The following PCDHA1 variants were observed in gnomAD, a reference collection of about 807,000 sequenced individuals.
The protein encoded by PCDHA1 is protocadherin alpha-1.
A neutral mutation model predicts 61.3 loss-of-function variants in PCDHA1; 42 were observed. The observed-to-expected ratio is 0.69, with a 90% confidence interval of 0.54 to 0.89. PCDHA1 has a LOEUF of 0.89. Among genes scored for constraint, PCDHA1 ranks in the 40% least tolerant of loss-of-function variants. The probability of loss-of-function intolerance (pLI) is 0.00; values close to 1 mark genes in which losing one functional copy is unlikely to be tolerated. For synonymous variants in PCDHA1, 610 were observed against 553.8 expected, an observed-to-expected ratio of 1.10 and a Z score of -1.43; for missense variants, 1,256 against 1,235.3, an observed-to-expected ratio of 1.02 and a Z score of -0.25.
intron 1 of PCDHA1, chr5:140,877,734 G>A (rs2057311538): frequency 1.9e-6 from 3 of 1,614,070 alleles, no homozygotes; most frequent in African/African-American, 2.7e-5. Flanking sequence ...CGCAGCAGAG[G>A]AGGCAGAGGG....
intron 1 of PCDHA1, among the ~76,000 whole-genome samples, chr5:140,937,309 T>G (rs1210222120): frequency 6.6e-6 from 1 of 152,102 alleles, no homozygotes; most frequent in African/African-American, 2.4e-5. Flanking sequence ...AGTGCTGGGA[T>G]TACAGGCGTG....
Position 140,841,941 on chromosome 5 carries a change from C to A in PCDHA1, c.2394+53257C>A, listed in dbSNP as rs2150325943. The A allele has an allele frequency of 6.2e-6, 10 of 1,613,918 alleles. No individual in the cohort carries two copies. In the South Asian group the frequency reaches 7.7e-5, roughly 12 times the overall value. ...TCCTTGGACAGAGAGGACGCTCCTG[C>A]GCACCACTTATTCCTGACAGCCACA... On this transcript the variant is annotated intron_variant, in intron 1 of 3. Coordinates refer to ENST00000504120, the MANE Select transcript of PCDHA1 (RefSeq NM_018900.4).
chr5:140,924,437 T>A (rs2081836231), intron 1 of PCDHA1, among the ~76,000 whole-genome samples: 1 of 152,206 alleles, frequency 6.6e-6, no homozygotes, highest in Admixed American at 6.5e-5. Flanking sequence ...CTAGAAGAGA[T>A]AACGAATGGG....
intron 1 of PCDHA1, among the ~76,000 whole-genome samples, chr5:140,972,883 C>T (rs1020544230): frequency 1.1e-4 from 16 of 151,884 alleles, no homozygotes; most frequent in African/African-American, 1.7e-4. Context: ...AGGATGGTCT[C>T]GATCTCTTGA....
intron 1 of PCDHA1, chr5:140,812,387 T>G (rs2126638189): frequency 2.6e-5 from 4 of 152,134 alleles, no homozygotes; most frequent in Non-Finnish European, 4.4e-5. Context: ...TTTTTCTTAG[T>G]CTAGCTAAGG....
Position 140,895,372 on chromosome 5 carries a change from T to C in PCDHA1, c.2395-83577T>C, listed in dbSNP as rs112463980. Among the ~76,000 whole-genome samples, 883 of 152,294 alleles carry C rather than the reference T, an allele frequency of 5.8e-3. 7 individuals carry two copies. The highest frequency in any genetic ancestry group is 0.021 in the African/African-American group (855 of 41,558). On this transcript the variant is annotated intron_variant, in intron 1 of 3. Coordinates refer to ENST00000504120, the MANE Select transcript of PCDHA1 (RefSeq NM_018900.4). The stretch of plus-strand genomic sequence containing the variant: ...CCAGTGAGTACTTATTGGCACTTTT[T>C]GGAGTTCTTCAATTCTCAACACCAT...
At chr5:140,882,565 C>T (rs782122682) in intron 1 of PCDHA1, 5 of 1,614,118 alleles carry the variant, frequency 3.1e-6, no homozygotes, top group Non-Finnish European at 4.2e-6. Context: ...GTGGGCGGAG[C>T]GCGGAGTGCA....
intron 1 of PCDHA1, chr5:140,875,666 G>A (rs781866030): frequency 1.2e-6 from 2 of 1,613,786 alleles, no homozygotes; most frequent in East Asian, 4.5e-5. Flanking sequence ...CGCCTGTTCC[G>A]GGTGGCGTCC....
At chr5:140,831,563 A>G (rs2150196275) in intron 1 of PCDHA1, among the ~76,000 whole-genome samples, 6 of 126,944 alleles carry the variant, frequency 4.7e-5, no homozygotes, top group Admixed American at 4.6e-4. Context: ...GGGTTTCTCC[A>G]TGTTGCCCAG....
chr5:140,946,080 A>T lies in PCDHA1; in HGVS notation c.2395-32869A>T, dbSNP rs74501731. ...GGGAGAAAATATTTGCAAACCACAG[A>T]TCTGATAAGGAGTTAACATACCAAA... On this transcript the variant is annotated intron_variant, in intron 1 of 3. Coordinates refer to ENST00000504120, the MANE Select transcript of PCDHA1 (RefSeq NM_018900.4). Among the ~76,000 whole-genome samples, 867 of 152,226 alleles carry T rather than the reference A, an allele frequency of 5.7e-3. 6 individuals carry two copies. Among genetic ancestry groups the T allele is most frequent in the African/African-American group, 0.02 (843 of 41,572 alleles).
In PCDHA1 at chr5:140,829,871, G is replaced by A. The variant is rs1770641625; in HGVS notation, c.2394+41187G>A. 6.2e-7 allele frequency: 1 copy of A among 1,613,844 alleles called. No homozygotes were observed. Among genetic ancestry groups the A allele is most frequent in the Non-Finnish European group, 8.5e-7 (1 of 1,179,892 alleles). ...GGGTGCAGGCCAAGTGGTGGCGAAG[G>A]TGCGCGCAGTTGACGCCGACTCAGG... On this transcript the variant is annotated intron_variant, in intron 1 of 3. Transcript: ENST00000504120.
At chr5:140,828,665 A>C (rs2150157760) in intron 1 of PCDHA1, 1 of 1,614,220 alleles carries the variant, frequency 6.2e-7, no homozygotes, top group Admixed American at 1.7e-5. Context: ...CAATAAACAA[A>C]TTGGGCTCTT....
chr5:140,814,543 A>G (rs1410934884), intron 1 of PCDHA1: 1 of 152,098 alleles, frequency 6.6e-6, no homozygotes, highest in Non-Finnish European at 1.5e-5. Flanking sequence ...AAGCAGTAAC[A>G]TTTACTATCT....
intron 1 of PCDHA1, chr5:140,871,014 C>T (rs1554164974): frequency 1.2e-6 from 2 of 1,613,178 alleles, no homozygotes; most frequent in Admixed American, 1.7e-5. Flanking sequence ...GTGCCCTGGA[C>T]GAGGCAGACT....
intron 1 of PCDHA1, among the ~76,000 whole-genome samples, chr5:140,975,683 G>T (rs1226769029): frequency 6.6e-6 from 1 of 151,934 alleles, no homozygotes; most frequent in Non-Finnish European, 1.5e-5. Context: ...AATAAAATAG[G>T]GTATTTTAAA....
intron 1 of PCDHA1, chr5:140,967,193 G>A (rs1190093681): frequency 6.2e-7 from 1 of 1,613,392 alleles, no homozygotes; most frequent in Non-Finnish European, 8.5e-7. Flanking sequence ...GGACATCAAC[G>A]ACAACTCACC....
intron 1 of PCDHA1, among the ~76,000 whole-genome samples, chr5:140,922,707 A>T (rs1282909188): frequency 4.6e-5 from 7 of 152,240 alleles, no homozygotes; most frequent in African/African-American, 1.4e-4. Context: ...TACAGTCAAG[A>T]ACAAAAAGAA....
At chr5:140,827,455 G>C (rs1173734499) in intron 1 of PCDHA1, among the ~76,000 whole-genome samples, 1 of 152,188 alleles carries the variant, frequency 6.6e-6, no homozygotes, top group African/African-American at 2.4e-5. Flanking sequence ...AGAACCTTAA[G>C]AGCATCTGAT....
chr5:140,818,014 A>G (rs1453170994), intron 1 of PCDHA1, among the ~76,000 whole-genome samples: 1 of 152,160 alleles, frequency 6.6e-6, no homozygotes, highest in Non-Finnish European at 1.5e-5. Context: ...CACTTTTAAC[A>G]GCTTTACTAT....
Sources: gnomAD v4.1 joint callset for allele counts (sites outside exome capture counted in the v4.1 genomes callset) on GRCh38, gnomAD v4.1.1 for gene constraint, MANE v1.5 for transcripts, NCBI Gene and HGNC (gene_info 2026-07-23, HGNC 2026-07-21) for gene names.